The following CUL1 variants were observed in gnomAD, a reference collection of about 807,000 sequenced individuals.
The protein encoded by CUL1 is cullin-1.
CUL1 carries 24 observed loss-of-function variants against 118.0 expected under a neutral mutation model. The observed-to-expected ratio is 0.20, with a 90% CI of 0.15 to 0.29. CUL1 has a LOEUF of 0.29. Among genes scored for constraint, CUL1 ranks in the 10% least tolerant of loss-of-function variants. The pLI, the probability that CUL1 is intolerant of heterozygous loss-of-function variation, is 1.00. For synonymous variants in CUL1, 332 were observed against 340.4 expected (o/e 0.98, Z 0.27); for missense variants, 361 against 933.8 (o/e 0.39, Z 7.99).
At chr7:148,775,053 G>C (rs1259227983) in intron 9 of CUL1, among the ~76,000 whole-genome samples, 1 of 152,224 alleles carries the variant, frequency 6.6e-6, no homozygotes, top group Non-Finnish European at 1.5e-5. Flanking sequence ...CTGTGATTTA[G>C]ATTGGGAAGT....
chr7:148,791,597 G>A (rs969111625), intron 16 of CUL1, among the ~76,000 whole-genome samples: 15 of 152,216 alleles, frequency 9.9e-5, no homozygotes, highest in Non-Finnish European at 1.5e-4. Context: ...AAGGCAGCCC[G>A]GAGCGGGCCC....
At chr7:148,797,543 T>G (rs1801245825) in intron 17 of CUL1, among the ~76,000 whole-genome samples, 1 of 152,134 alleles carries the variant, frequency 6.6e-6, no homozygotes, top group African/African-American at 2.4e-5. Context: ...CAACCTGATT[T>G]AAGTATAACA....
intron 3 of CUL1, among the ~76,000 whole-genome samples, chr7:148,755,215 G>GTT (rs1799617466): frequency 6.6e-6 from 1 of 152,040 alleles, no homozygotes; most frequent in South Asian, 2.1e-4. Context: ...TTCTTCCTTG[G>GTT]TCTTCATCCT....
chr7:148,784,271 A>G (rs1222438066), intron 11 of CUL1, among the ~76,000 whole-genome samples, 194 bp downstream of exon 11: 2 of 152,176 alleles, frequency 1.3e-5, no homozygotes, highest in Non-Finnish European at 2.9e-5. Flanking sequence ...TCAAACAGAA[A>G]TGTCTCAATG....
intron 1 of CUL1, among the ~76,000 whole-genome samples, chr7:148,723,337 G>A (rs755048519): frequency 1.5e-4 from 23 of 152,184 alleles, no homozygotes; most frequent in Non-Finnish European, 2.4e-4. Context: ...GATCAGCTGT[G>A]TAGGGCCACC....
intron 1 of CUL1, among the ~76,000 whole-genome samples, chr7:148,709,617 A>G (rs1797987373): frequency 2.0e-5 from 3 of 152,266 alleles, no homozygotes; most frequent in African/African-American, 7.2e-5. Flanking sequence ...GAGAAAATAC[A>G]CAAGTTAATG....
rs1322288980 is a variant in CUL1, at chr7:148,776,293, C to T, written c.1084-7490C>T. 2.7e-3 allele frequency among the ~76,000 whole-genome samples: 282 copies of T among 103,206 alleles called. 6 individuals are homozygous for T. The highest frequency in any genetic ancestry group is 9.8e-3 in the African/African-American group (273 of 27,828). The allele number at this position is 103,206 out of a possible 152,430, so 67.7% of individuals were successfully genotyped here. ...ATGTACACATTTGTCATTTTGGAGT[C>T]TAACATAACCAGGCTTTTTTTTTTT... is the stretch of plus-strand genomic sequence containing the variant. On this transcript the variant is annotated intron_variant, in intron 9 of 21. Transcript: ENST00000325222.
intron 3 of CUL1, among the ~76,000 whole-genome samples, chr7:148,756,516 T>A (rs562527812): frequency 1.3e-4 from 20 of 152,220 alleles, no homozygotes; most frequent in Admixed American, 1.1e-3. Context: ...TTTGTATTTT[T>A]AGTAGAGACA....
chr7:148,781,952 T>C (rs941115831), intron 9 of CUL1, among the ~76,000 whole-genome samples: 2 of 152,194 alleles, frequency 1.3e-5, no homozygotes, highest in African/African-American at 4.8e-5. Context: ...GCAAATTGAG[T>C]CCTTCAATTG....
intron 9 of CUL1, among the ~76,000 whole-genome samples, chr7:148,781,393 T>C (rs1800627731): frequency 6.6e-6 from 1 of 152,176 alleles, no homozygotes; most frequent in African/African-American, 2.4e-5. Context: ...GGCCAGTGTT[T>C]TGACACTTTT....
chr7:148,788,686 T>C lies in CUL1; in HGVS notation c.1597+12T>C. 6.6e-7 allele frequency: 1 copy of C among 1,520,584 alleles called. No homozygotes were observed. Among genetic ancestry groups the C allele is most frequent in the East Asian group, 2.2e-5 (1 of 44,476 alleles). 94.2% of individuals were successfully genotyped at this position (1,520,584 alleles called of 1,614,324 possible). A position where few individuals can be genotyped will look rare whatever the true frequency, so the allele number is the denominator to read the frequency against. On this transcript the variant is annotated intron_variant, in intron 14 of 21. Coordinates refer to ENST00000325222, the MANE Select transcript of CUL1 (RefSeq NM_003592.3). ...AGAACCCCTAGACTGTGAGTATCCG[T>C]GTGTCTCTATGTTGTGTTTACAGGC...
chr7:148,783,785 C>T lies in CUL1; in HGVS notation c.1086C>T (p.Asp362=), dbSNP rs767916548. Residue 362 remains aspartate (D), a splice_region_variant and synonymous_variant, in exon 10 of 22, where the codon GAC becomes GAT. Transcript: ENST00000325222. ...TTCTATTTCTGCCCCCATTTAAGGA[C>T]CCCAAAATGTATGTACAGACAGTGC... ...IEKCGEAALN[D]PKMYVQTVLD... 7 of 1,613,884 alleles carry T rather than the reference C, an allele frequency of 4.3e-6. No individual in the cohort carries two copies. Among genetic ancestry groups the T allele is most frequent in the South Asian group, 1.1e-5 (1 of 91,080 alleles).
At chr7:148,759,504 A>C in intron 5 of CUL1, 44 bp from the exon 6 acceptor site, 2 of 1,365,040 alleles carry the variant, frequency 1.5e-6, no homozygotes, top group Non-Finnish European at 2.1e-6. Context: ...AATATATATC[A>C]TATTCTATAA....
intron 1 of CUL1, among the ~76,000 whole-genome samples, chr7:148,701,444 G>A (rs1797719103): frequency 6.6e-6 from 1 of 152,086 alleles, no homozygotes; most frequent in African/African-American, 2.4e-5. Context: ...CAAGAAAACA[G>A]GTTGTGAAAC....
At chr7:148,743,296 G>C (rs1232445119) in intron 2 of CUL1, among the ~76,000 whole-genome samples, 1 of 152,210 alleles carries the variant, frequency 6.6e-6, no homozygotes, top group Non-Finnish European at 1.5e-5. Context: ...GCTTGCGGGA[G>C]ATGATTGTGC....
At chr7:148,775,093 CAT>C (rs1800354189) in intron 9 of CUL1, among the ~76,000 whole-genome samples, 1 of 152,212 alleles carries the variant, frequency 6.6e-6, no homozygotes, top group South Asian at 2.1e-4. Flanking sequence ...AAAGCCCAGT[CAT>C]GTGTGAACTT....
At chr7:148,726,254 T>C (rs115569535) in intron 1 of CUL1, among the ~76,000 whole-genome samples, 2,376 of 152,310 alleles carry the variant, frequency 0.016, 56 homozygotes, top group African/African-American at 0.054. Flanking sequence ...GGAGGTGTTA[T>C]GGAGAAAAAT....
intron 9 of CUL1, among the ~76,000 whole-genome samples, chr7:148,776,307 C>CTTTTATTTTTTTTTTTTT (rs1800396324): frequency 2.5e-5 from 1 of 40,692 alleles, no homozygotes; most frequent in Non-Finnish European, 4.1e-5. Context: ...CATAACCAGG[C>CTTTTATTTTTTTTTTTTT]TTTTTTTTTT....
At chr7:148,735,912 C>T (rs1798923213) in intron 2 of CUL1, among the ~76,000 whole-genome samples, 1 of 152,016 alleles carries the variant, frequency 6.6e-6, no homozygotes, top group Admixed American at 6.5e-5. Flanking sequence ...CATGCTCACG[C>T]CTTTAATTCC....
Sources: allele counts gnomAD v4.1 joint callset (sites outside exome capture counted in the v4.1 genomes callset), GRCh38; gene constraint gnomAD v4.1.1; transcripts MANE v1.5; gene names NCBI Gene and HGNC (gene_info 2026-07-23, HGNC 2026-07-21).